The following CDC14A variants were observed in gnomAD, a reference collection of about 807,000 sequenced individuals.
The protein encoded by CDC14A is dual specificity protein phosphatase CDC14A.
A neutral mutation model predicts 74.4 loss-of-function variants in CDC14A; 53 were observed. The ratio of observed to expected loss-of-function variants is 0.71; its 90% CI spans 0.57 to 0.89. The LOEUF (loss-of-function observed/expected upper bound fraction) is 0.89. Among genes scored for constraint, CDC14A ranks in the 40% least tolerant of loss-of-function variants. The pLI is 0.00. For missense variants in CDC14A, 646 were observed against 713.7 expected (o/e 0.91, Z 1.08); for synonymous variants, 247 against 258.4 (o/e 0.96, Z 0.43).
At chr1:100,415,121 T>C (rs1400770909) in intron 4 of CDC14A, among the ~76,000 whole-genome samples, 1 of 152,154 alleles carries the variant, frequency 6.6e-6, no homozygotes, top group Non-Finnish European at 1.5e-5. Context: ...AAAATTCTGG[T>C]TGTAATCAAA....
chr1:100,416,303 A>T (rs190933460), intron 4 of CDC14A, among the ~76,000 whole-genome samples: 2 of 152,346 alleles, frequency 1.3e-5, no homozygotes, highest in East Asian at 3.9e-4. Flanking sequence ...ATTCAAATAG[A>T]AAAAATGAAT....
chr1:100,439,866 G>A (rs1312685285), intron 5 of CDC14A, 66 bp from the exon 6 acceptor site: 5 of 1,178,104 alleles, frequency 4.2e-6, no homozygotes, highest in East Asian at 4.7e-5. Context: ...TGACTTTGGT[G>A]TTATATTTTA....
In CDC14A at chr1:100,468,134, T is replaced by G. The variant is rs1407455699; in HGVS notation, c.977+40T>G. 1.9e-6 allele frequency: 3 copies of G among 1,609,990 alleles called. No homozygotes were observed. The African/African-American group carries it at 4.0e-5, about 22-fold the overall frequency. ...CCCATTACCACATTATATCCTGTTCTTGATCCTTTCTACCTCTTGTTCCCC... is the reference window on the plus strand; with the variant it reads ...CCCATTACCACATTATATCCTGTTCGTGATCCTTTCTACCTCTTGTTCCCC... On this transcript the variant is annotated intron_variant, in intron 10 of 15. Coordinates refer to ENST00000336454, the MANE Select transcript of CDC14A (RefSeq NM_003672.4).
chr1:100,454,406 G>A (rs1291740507), intron 7 of CDC14A, among the ~76,000 whole-genome samples: 2 of 151,930 alleles, frequency 1.3e-5, no homozygotes, highest in African/African-American at 4.8e-5. Context: ...GTGAAGAGGT[G>A]ATATATATAT....
chr1:100,455,196 A>G (rs1195627371), intron 7 of CDC14A, among the ~76,000 whole-genome samples: 1 of 152,186 alleles, frequency 6.6e-6, no homozygotes, highest in Admixed American at 6.5e-5. Context: ...AACATTTCAT[A>G]CAGTCTAGAC....
intron 4 of CDC14A, among the ~76,000 whole-genome samples, chr1:100,414,848 C>T (rs906460036): frequency 1.2e-4 from 19 of 152,162 alleles, no homozygotes; most frequent in African/African-American, 4.3e-4. Flanking sequence ...TGGGGCGACA[C>T]ATTTTCTCCT....
intron 4 of CDC14A, among the ~76,000 whole-genome samples, chr1:100,421,559 T>C (rs1221744294): frequency 2.6e-5 from 4 of 152,306 alleles, no homozygotes; most frequent in African/African-American, 9.6e-5. Context: ...TTTCCTCAAA[T>C]GTGACTACAA....
At position 100,449,321 on chromosome 1, in the gene CDC14A, T is replaced by C. The variant is rs1412324927; in HGVS notation, c.520-6084T>C. ...CAGGGTGTAGGTTTTAAAAATTAAG[T>C]CTGATTATATCATTCCCCTGTTTTA... On this transcript the variant is annotated intron_variant, in intron 7 of 15. Transcript: ENST00000336454. 2.0e-5 allele frequency among the ~76,000 whole-genome samples: 3 copies of C among 152,198 alleles called. No homozygotes were observed. The East Asian group carries it at 5.8e-4, about 29-fold the overall frequency.
chr1:100,516,769 C>G (rs893682290), intron 15 of CDC14A, among the ~76,000 whole-genome samples: 1 of 152,130 alleles, frequency 6.6e-6, no homozygotes, highest in Non-Finnish European at 1.5e-5. Flanking sequence ...ACTGGACTTT[C>G]TTAGGGTCTT....
rs1571198256 is a variant in CDC14A, at chr1:100,440,264, G to A, written c.456+266G>A. On this transcript the variant is annotated intron_variant, in intron 6 of 15. Transcript: ENST00000336454. The stretch of plus-strand genomic sequence containing the variant: ...CACCACTATCAGCTGCAGTGCCTGT[G>A]ACATTGCTTTGTCACATGCTTAGCT... Among the ~76,000 whole-genome samples the A allele has an allele frequency of 2.0e-5, 3 of 152,274 alleles. No individual in the cohort carries two copies. In the Middle Eastern group the frequency reaches 0.01, roughly 518 times the overall value.
At chr1:100,467,594 C>G (rs1295074390) in intron 9 of CDC14A, among the ~76,000 whole-genome samples, 2 of 152,076 alleles carry the variant, frequency 1.3e-5, no homozygotes, top group Non-Finnish European at 2.9e-5. Context: ...GTTGCTCACC[C>G]TCATCCCTTT....
At chr1:100,477,034 A>G (rs912592800) in intron 10 of CDC14A, among the ~76,000 whole-genome samples, 3 of 152,202 alleles carry the variant, frequency 2.0e-5, no homozygotes, top group Non-Finnish European at 4.4e-5. Context: ...AAGGAGCCAT[A>G]AGCCAAGGAA....
intron 9 of CDC14A, among the ~76,000 whole-genome samples, chr1:100,465,773 A>G (rs936167555): frequency 6.6e-6 from 1 of 152,250 alleles, no homozygotes; most frequent in Non-Finnish European, 1.5e-5. Context: ...TACCACAAAT[A>G]ATAATCTAAA....
chr1:100,402,404 A>G (rs1287791814), intron 4 of CDC14A, among the ~76,000 whole-genome samples: 3 of 152,228 alleles, frequency 2.0e-5, no homozygotes, highest in Non-Finnish European at 1.5e-5. Flanking sequence ...GAATATATAC[A>G]GAAACTGAAG....
intron 3 of CDC14A, among the ~76,000 whole-genome samples, chr1:100,384,861 C>G (rs1656627821): frequency 6.6e-6 from 1 of 152,202 alleles, no homozygotes; most frequent in Admixed American, 6.5e-5. Context: ...GAGCTTACTG[C>G]ACTTTGGATA....
chr1:100,511,338 G>A (rs183073397), intron 15 of CDC14A, among the ~76,000 whole-genome samples: 54 of 152,212 alleles, frequency 3.5e-4, no homozygotes, highest in African/African-American at 1.1e-3. Context: ...ATACTCCTCC[G>A]CTCTACAGCT....
At chr1:100,441,690 T>A (rs1250549762) in intron 6 of CDC14A, among the ~76,000 whole-genome samples, 8 of 152,054 alleles carry the variant, frequency 5.3e-5, no homozygotes, top group Non-Finnish European at 5.9e-5. Flanking sequence ...TTAAATAATT[T>A]GTTCTGCTTA....
At chr1:100,349,297 T>C (rs1650711084), upstream of CDC14A, among the ~76,000 whole-genome samples, 1 of 152,250 alleles carries the variant, frequency 6.6e-6, no homozygotes, top group African/African-American at 2.4e-5. Context: ...AGTTGAGCGA[T>C]ATGTAAACTC....
chr1:100,439,988 G>T lies in CDC14A; in HGVS notation c.446G>T (p.Gly149Val). 1 of 1,611,862 alleles carries T rather than the reference G, an allele frequency of 6.2e-7. No homozygotes were observed. The highest frequency in any genetic ancestry group is 8.5e-7 in the Non-Finnish European group (1 of 1,178,068). The change falls in exon 6 of 16, where the codon GGA becomes GTA. Residue 149 changes from glycine (G) to valine (V), a missense_variant. Gly to Val is a moderately radical substitution (Grantham distance 109). Coordinates refer to ENST00000336454, the MANE Select transcript of CDC14A (RefSeq NM_003672.4). ...CTCACCATTCTCGACTGTTTGCAGG[G>T]AATCAGAAAGGTAATAACAATTCTC... ...YNLTILDCLQ[G>V]IRKGLQHGFF...
Sources: gnomAD v4.1 joint callset for allele counts (sites outside exome capture counted in the v4.1 genomes callset) on GRCh38, gnomAD v4.1.1 for gene constraint, MANE v1.5 for transcripts, NCBI Gene and HGNC (gene_info 2026-07-23, HGNC 2026-07-21) for gene names.